Variants in CAMTA1 observed in about 807,000 individuals in gnomAD.
The protein encoded by CAMTA1 is calmodulin-binding transcription activator 1.
A neutral mutation model predicts 170.9 loss-of-function variants in CAMTA1; 27 were observed. That is an observed-to-expected ratio of 0.16 (90% CI 0.12 to 0.22). The LOEUF (loss-of-function observed/expected upper bound fraction) is 0.22. Among genes scored for constraint, CAMTA1 ranks in the 10% least tolerant of loss-of-function variants. The pLI, the probability that CAMTA1 is intolerant of heterozygous loss-of-function variation, is 1.00. For missense variants in CAMTA1, 1,619 were observed against 2,217.2 expected, an observed-to-expected ratio of 0.73 and a Z score of 5.42; for synonymous variants, 833 against 891.5, an observed-to-expected ratio of 0.93 and a Z score of 1.17.
chr1:7,394,429 C>T (rs998613736), intron 5 of CAMTA1, among the ~76,000 whole-genome samples: 1 of 152,016 alleles, frequency 6.6e-6, no homozygotes, highest in African/African-American at 2.4e-5. Context: ...CTTGCATTTC[C>T]CTGATGATTA....
At chr1:7,165,748 A>G (rs1384137728) in intron 4 of CAMTA1, among the ~76,000 whole-genome samples, 1 of 152,000 alleles carries the variant, frequency 6.6e-6, no homozygotes, top group African/African-American at 2.4e-5. Flanking sequence ...TTTCATTCCA[A>G]AGTATTTGCA....
chr1:7,466,407 T>C (rs1231072391), intron 5 of CAMTA1, among the ~76,000 whole-genome samples: 1 of 152,230 alleles, frequency 6.6e-6, no homozygotes, highest in East Asian at 1.9e-4. Flanking sequence ...TGAAATCTGA[T>C]TTTCTTGCAG....
chr1:7,201,075 C>T (rs1381437864), intron 4 of CAMTA1, among the ~76,000 whole-genome samples: 2 of 152,212 alleles, frequency 1.3e-5, no homozygotes, highest in African/African-American at 4.8e-5. Flanking sequence ...ACCGCCAGCC[C>T]TCTGCAAACA....
At chr1:7,731,223 T>A (rs969851252) in intron 11 of CAMTA1, among the ~76,000 whole-genome samples, 11 of 152,124 alleles carry the variant, frequency 7.2e-5, no homozygotes, top group African/African-American at 2.7e-4. Flanking sequence ...TCCTGTTGTT[T>A]CTCTGATGTA....
chr1:7,095,167 A>G (rs1641927476), intron 4 of CAMTA1, among the ~76,000 whole-genome samples: 1 of 150,976 alleles, frequency 6.6e-6, no homozygotes, highest in Non-Finnish European at 1.5e-5. Context: ...TGTATTCATT[A>G]CTTGACCCAC....
chr1:7,079,052 GC>G (rs1053838483), intron 3 of CAMTA1, among the ~76,000 whole-genome samples: 1 of 152,172 alleles, frequency 6.6e-6, no homozygotes, highest in African/African-American at 2.4e-5. Context: ...GCACATAGGG[GC>G]TATAAAATTC....
At chr1:6,891,907 C>G (rs1453550185) in intron 3 of CAMTA1, among the ~76,000 whole-genome samples, 2 of 152,130 alleles carry the variant, frequency 1.3e-5, no homozygotes, top group Non-Finnish European at 2.9e-5. Context: ...AGAGCTTCGT[C>G]CCTCCCTTTT....
chr1:6,924,080 G>A (rs1015594146), intron 3 of CAMTA1, among the ~76,000 whole-genome samples: 3 of 152,162 alleles, frequency 2.0e-5, no homozygotes, highest in Non-Finnish European at 4.4e-5. Flanking sequence ...TGTTAGGAAC[G>A]CAGGCTGAGC....
chr1:7,636,766 G>A (rs1300107730), intron 6 of CAMTA1, among the ~76,000 whole-genome samples: 1 of 151,352 alleles, frequency 6.6e-6, no homozygotes. Flanking sequence ...ACTGAAGCCA[G>A]ATGTCAGGAG....
At chr1:7,399,680 C>T (rs899736921) in intron 5 of CAMTA1, among the ~76,000 whole-genome samples, 2 of 152,202 alleles carry the variant, frequency 1.3e-5, no homozygotes, top group African/African-American at 4.8e-5. Context: ...GATGAATACC[C>T]TCAGCTTTGC....
In CAMTA1 at chr1:7,123,779, A is replaced by G. The variant is rs112987924; in HGVS notation, c.302+32408A>G. ...CAGCCCCTCAATTCTCCTTTGTGGT[A>G]TTTTCCTCCACAGCCTGACCCATTC... On this transcript the variant is annotated intron_variant, in intron 4 of 22. Transcript: ENST00000303635. 1.6e-3 allele frequency among the ~76,000 whole-genome samples: 237 copies of G among 152,008 alleles called. 1 individual carries two copies. Among genetic ancestry groups the G allele is most frequent in the African/African-American group, 5.4e-3 (222 of 41,454 alleles).
At chr1:6,821,173 T>A (rs542929734) in intron 2 of CAMTA1, among the ~76,000 whole-genome samples, 79 of 152,336 alleles carry the variant, frequency 5.2e-4, no homozygotes, top group African/African-American at 1.8e-3. Context: ...CTTAAAAAGC[T>A]GTTAGTTTCT....
chr1:7,229,377 C>G (rs1662271685), intron 4 of CAMTA1, among the ~76,000 whole-genome samples: 1 of 134,476 alleles, frequency 7.4e-6, no homozygotes. Context: ...GGACAATGGA[C>G]TGGGCAGGGT....
At position 7,588,603 on chromosome 1, in the gene CAMTA1, C is replaced by T. The variant is rs956741763; in HGVS notation, c.511-51797C>T. 2.6e-5 allele frequency among the ~76,000 whole-genome samples: 4 copies of T among 152,160 alleles called. No homozygotes were observed. The highest frequency in any genetic ancestry group is 1.9e-4 in the East Asian group (1 of 5,172). Reference sequence around the variant, plus strand: ...GGTCCCATGCAGCTCCAGGCCAGGGCGATCTGAGCAGCCCCAGCCACAGTG... The same window carrying T: ...GGTCCCATGCAGCTCCAGGCCAGGGTGATCTGAGCAGCCCCAGCCACAGTG... On this transcript the variant is annotated intron_variant, in intron 6 of 22. Coordinates refer to ENST00000303635, the MANE Select transcript of CAMTA1 (RefSeq NM_015215.4). This position sits in a 1 kb window ranked among gnomAD's most constrained non-coding sequence, Gnocchi z 5.8.
intron 1 of CAMTA1, among the ~76,000 whole-genome samples, chr1:6,815,363 C>T (rs1645665721): frequency 6.6e-6 from 1 of 152,126 alleles, no homozygotes; most frequent in African/African-American, 2.4e-5. Context: ...CAGTACCACA[C>T]CTGGCTAATA....
chr1:7,654,702 C>A (rs1348378815), intron 7 of CAMTA1, among the ~76,000 whole-genome samples: 2 of 146,492 alleles, frequency 1.4e-5, no homozygotes, highest in Non-Finnish European at 3.0e-5. Flanking sequence ...CACCCCTATA[C>A]ACACAAACAC....
chr1:7,100,348 G>A lies in CAMTA1; in HGVS notation c.302+8977G>A, dbSNP rs1378778286. Among the ~76,000 whole-genome samples the A allele has an allele frequency of 2.6e-5, 4 of 152,170 alleles. No individual in the cohort carries two copies. The East Asian group carries it at 7.7e-4, about 29-fold the overall frequency. Reference sequence around the variant, plus strand: ...CCTTTACTGTCACTGGTGAAGATGAGCGATGCTTAGTCCTCCCTGTGAGCC... The same window carrying A: ...CCTTTACTGTCACTGGTGAAGATGAACGATGCTTAGTCCTCCCTGTGAGCC... On this transcript the variant is annotated intron_variant, in intron 4 of 22. Transcript: ENST00000303635.
chr1:7,569,763 CACCATCATCATCATCACT>C (rs970971371), intron 6 of CAMTA1, among the ~76,000 whole-genome samples: 2 of 152,014 alleles, frequency 1.3e-5, no homozygotes, highest in African/African-American at 2.4e-5. Context: ...TCATCATCAC[CACCATCATCATCATCACT>C]ACCACCATCA....
chr1:7,472,302 G>A (rs17030947), intron 6 of CAMTA1, among the ~76,000 whole-genome samples: 3,901 of 152,234 alleles, frequency 0.026, 96 homozygotes, highest in East Asian at 0.1. Context: ...CTGAGTTCTA[G>A]GAGTTGAGCT....
Sources: gnomAD v4.1 joint callset for allele counts (sites outside exome capture counted in the v4.1 genomes callset) on GRCh38, gnomAD v4.1.1 for gene constraint, Gnocchi (gnomAD v3.1) non-coding constraint, MANE v1.5 for transcripts, NCBI Gene and HGNC (gene_info 2026-07-23, HGNC 2026-07-21) for gene names.